The following MAP3K13 variants were observed in gnomAD, a reference collection of about 807,000 sequenced individuals.
The protein encoded by MAP3K13 is mitogen-activated protein kinase kinase kinase 13, also known as leucine zipper-bearing kinase.
Under a neutral mutation model 104.0 loss-of-function variants are expected in MAP3K13, and 52 were observed. That is an observed-to-expected ratio of 0.50 (90% confidence interval 0.40 to 0.63). The LOEUF is 0.63. MAP3K13 is among the 20% of genes least tolerant of loss of function. The pLI is 0.00. For synonymous variants in MAP3K13, 394 were observed against 442.2 expected (o/e 0.89, Z 1.37); for missense variants, 914 against 1,218.5 (o/e 0.75, Z 3.72).
chr3:185,344,596 G>A (rs1487313928), intron 2 of MAP3K13, among the ~76,000 whole-genome samples: 3 of 151,828 alleles, frequency 2.0e-5, no homozygotes, highest in Non-Finnish European at 4.4e-5. Flanking sequence ...AATCACTTCC[G>A]CCCCCCTTAT....
chr3:185,426,652 C>A lies in MAP3K13; in HGVS notation c.-85-1845C>A, dbSNP rs1343587551. Among the ~76,000 whole-genome samples the A allele has an allele frequency of 2.6e-5, 4 of 152,288 alleles. No homozygotes were observed. In the East Asian group the frequency reaches 7.7e-4, roughly 29 times the overall value. ...TCTTTCTGCATGCACTTATATATAG[C>A]CTACATTCCAGCCACTTTGGATTTC... On this transcript the variant is annotated intron_variant, in intron 1 of 13. Coordinates refer to ENST00000265026, the MANE Select transcript of MAP3K13 (RefSeq NM_004721.5).
In MAP3K13 at chr3:185,428,959, C is replaced by A. The variant is rs1223069588; in HGVS notation, c.378C>A (p.Gly126=). 1.9e-6 allele frequency: 3 copies of A among 1,613,998 alleles called. No individual in the cohort carries two copies. The African/African-American group carries it at 4.0e-5, about 22-fold the overall frequency. ...TTCAGTTCAGCAGGTCAGGCAGTGG[C>A]AGTGGTGGGTTTCTTGAAGGACTAT... ...IKIQFSRSGS[G]SGGFLEGLFG... Residue 126 remains glycine, a synonymous_variant, in exon 2 of 14, where the codon GGC becomes GGA. Transcript: ENST00000265026.
Position 185,423,810 on chromosome 3 carries a change from C to T in MAP3K13, c.-85-4687C>T, listed in dbSNP as rs746633789. Among the ~76,000 whole-genome samples, 1 of 152,204 alleles carries T rather than the reference C, an allele frequency of 6.6e-6. No individual in the cohort carries two copies. Among genetic ancestry groups the T allele is most frequent in the East Asian group, 1.9e-4 (1 of 5,200 alleles). On this transcript the variant is annotated intron_variant, in intron 1 of 13. Transcript: ENST00000265026. The surrounding 1 kb of genome is among the most constrained non-coding windows in gnomAD (Gnocchi z 4.1). ...TTACCCTTGCTGCACACTGCTCCCC[C>T]ACATTAGCCACTGCTGTTTCTGGGT...
intron 1 of MAP3K13, among the ~76,000 whole-genome samples, chr3:185,402,475 T>C (rs1233896299): frequency 6.6e-6 from 1 of 152,210 alleles, no homozygotes; most frequent in South Asian, 2.1e-4. Flanking sequence ...GTGTGTACTT[T>C]TAAAATTTAA....
At chr3:185,408,777 T>C (rs960943768) in intron 1 of MAP3K13, among the ~76,000 whole-genome samples, 2 of 152,184 alleles carry the variant, frequency 1.3e-5, no homozygotes, top group African/African-American at 4.8e-5. Flanking sequence ...CAGCACATCA[T>C]AAGCATTATG....
chr3:185,309,581 G>A (rs1210562231), intron 2 of MAP3K13, among the ~76,000 whole-genome samples: 2 of 151,604 alleles, frequency 1.3e-5, no homozygotes, highest in Non-Finnish European at 2.9e-5. Context: ...ACTGAAGAGA[G>A]CCACTCTTTA....
intron 7 of MAP3K13, among the ~76,000 whole-genome samples, chr3:185,462,945 A>G (rs1717197906): frequency 6.6e-6 from 1 of 152,128 alleles, no homozygotes; most frequent in Non-Finnish European, 1.5e-5. Flanking sequence ...TCAAACTACT[A>G]GATTGCTTGG....
intron 1 of MAP3K13, among the ~76,000 whole-genome samples, chr3:185,393,945 T>A (rs537183018): frequency 4.0e-4 from 61 of 152,198 alleles, no homozygotes; most frequent in Admixed American, 3.1e-3. Context: ...ATTAATTGGA[T>A]GTGATGACGG....
chr3:185,329,185 C>A (rs527901619), intron 2 of MAP3K13: 2 of 702,390 alleles, frequency 2.8e-6, no homozygotes, highest in South Asian at 3.0e-5. Flanking sequence ...AAACAGGTCC[C>A]GTGTGCACGA....
intron 1 of MAP3K13, among the ~76,000 whole-genome samples, chr3:185,399,662 GGAAGGAA>G (rs1712668752): frequency 4.9e-4 from 2 of 4,058 alleles, no homozygotes; most frequent in Non-Finnish European, 4.0e-4. Flanking sequence ...AAAAAAGGAG[GGAAGGAA>G]GGAAGGAAGG....
intron 13 of MAP3K13, among the ~76,000 whole-genome samples, chr3:185,480,747 A>G (rs181638537): frequency 1.3e-5 from 2 of 152,332 alleles, no homozygotes; most frequent in African/African-American, 4.8e-5. Context: ...TACAGGAAGC[A>G]CGGCTGGGAG....
chr3:185,333,925 G>A (rs932256596), intron 2 of MAP3K13, among the ~76,000 whole-genome samples: 4 of 152,038 alleles, frequency 2.6e-5, no homozygotes, highest in South Asian at 2.1e-4. Flanking sequence ...ATAGAGGCAC[G>A]CACCTGTAGT....
chr3:185,331,618 T>C (rs1722285594), intron 2 of MAP3K13, among the ~76,000 whole-genome samples: 1 of 152,138 alleles, frequency 6.6e-6, no homozygotes, highest in Non-Finnish European at 1.5e-5. Flanking sequence ...TAGTAGACAC[T>C]TGGTAAATCG....
intron 2 of MAP3K13, among the ~76,000 whole-genome samples, chr3:185,303,900 G>T (rs1439671265): frequency 1.3e-5 from 2 of 151,150 alleles, no homozygotes; most frequent in Non-Finnish European, 3.0e-5. Context: ...GTTCCTTGAG[G>T]TGCAAAATTA....
At chr3:185,338,184 G>A (rs1398935160) in intron 2 of MAP3K13, among the ~76,000 whole-genome samples, 1 of 151,896 alleles carries the variant, frequency 6.6e-6, no homozygotes. Flanking sequence ...CAAAAAATTA[G>A]CTGGGTATGG....
Position 185,364,930 on chromosome 3 carries a change from G to A in MAP3K13, c.-86+1562G>A, listed in dbSNP as rs374161258. ...TATATCTTCAGAGAGTTTGTTGAAA[G>A]TAGCAATTTCCAAGTAATTTTAAAT... On this transcript the variant is annotated intron_variant, in intron 1 of 13. Transcript: ENST00000265026. 1.2e-4 allele frequency among the ~76,000 whole-genome samples: 19 copies of A among 152,268 alleles called. 1 individual carries two copies. In the South Asian group the frequency reaches 2.9e-3, roughly 23 times the overall value.
Position 185,302,170 on chromosome 3 carries a change from A to G in MAP3K13, c.-86+16527A>G, listed in dbSNP as rs568819105. Reference sequence around the variant, plus strand: ...GTAATCCCAGCACTTTGGGAGGCCAAGGCGGGTGGATTACTTGAGGTCAGG... The same window carrying G: ...GTAATCCCAGCACTTTGGGAGGCCAGGGCGGGTGGATTACTTGAGGTCAGG... On this transcript the variant is annotated intron_variant, in intron 2 of 14. Coordinates refer to the MAP3K13 transcript ENST00000424227. Among the ~76,000 whole-genome samples, 10 of 151,994 alleles carry G rather than the reference A, an allele frequency of 6.6e-5. No homozygotes were observed. The South Asian group carries it at 2.1e-3, about 32-fold the overall frequency.
chr3:185,413,692 C>T (rs1460009544), intron 1 of MAP3K13, among the ~76,000 whole-genome samples: 1 of 152,016 alleles, frequency 6.6e-6, no homozygotes, highest in East Asian at 1.9e-4. Flanking sequence ...TGTGGCAGCA[C>T]GCACCTGTAG....
Position 185,418,540 on chromosome 3 carries a change from C to T in MAP3K13, c.-85-9957C>T. 1.9e-6 allele frequency: 3 copies of T among 1,612,152 alleles called. No homozygotes were observed. Among genetic ancestry groups the T allele is most frequent in the South Asian group, 1.1e-5 (1 of 90,998 alleles). On this transcript the variant is annotated intron_variant, in intron 1 of 13. Coordinates refer to ENST00000265026, the MANE Select transcript of MAP3K13 (RefSeq NM_004721.5). The surrounding 1 kb of genome is among the most constrained non-coding windows in gnomAD (Gnocchi z 4.5). ...GCCAGAGCGGTGAGTCCCACCACCT[C>T]GAACTCTGGGAATTCGAGCCATAGC...
Sources: gnomAD v4.1 joint callset for allele counts (sites outside exome capture counted in the v4.1 genomes callset) on GRCh38, gnomAD v4.1.1 for gene constraint, Gnocchi (gnomAD v3.1) non-coding constraint, MANE v1.5 for transcripts, NCBI Gene and HGNC (gene_info 2026-07-23, HGNC 2026-07-21) for gene names.